Variants in KIAA1328 observed in about 807,000 individuals in gnomAD.
The protein encoded by KIAA1328 is protein hinderin.
KIAA1328 carries 52 observed loss-of-function variants against 68.1 expected under a neutral mutation model. The observed-to-expected ratio is 0.76, with a 90% CI of 0.61 to 0.96. The LOEUF (loss-of-function observed/expected upper bound fraction) is 0.96, where lower values mean the gene tolerates loss of function less well. Ranked by LOEUF, KIAA1328 falls within the 40% of genes least tolerant of loss-of-function variation. The pLI, the probability that KIAA1328 is intolerant of heterozygous loss-of-function variation, is 0.00. For synonymous variants in KIAA1328, 232 were observed against 239.4 expected (o/e 0.97, Z 0.28); for missense variants, 641 against 677.6 (o/e 0.95, Z 0.60).
chr18:36,942,499 G>T (rs541865888), intron 5 of KIAA1328, among the ~76,000 whole-genome samples: 12 of 152,256 alleles, frequency 7.9e-5, no homozygotes, highest in African/African-American at 2.9e-4. Flanking sequence ...ACTGACGAGT[G>T]CTTTTCTTAG....
chr18:37,222,506 G>T lies in KIAA1328; in HGVS notation c.*279G>T. 2 of 1,219,076 alleles carry T rather than the reference G, an allele frequency of 1.6e-6. No individual in the cohort carries two copies. The highest frequency in any genetic ancestry group is 2.1e-6 in the Non-Finnish European group (2 of 972,252). 75.5% of individuals were successfully genotyped at this position (1,219,076 alleles called of 1,614,324 possible). A position where few individuals can be genotyped will look rare whatever the true frequency, so the allele number is the denominator to read the frequency against. ...TAACATAGGATACTTTCTGCGTGGTGGAAACCATTGCATATTCAGCCTCAT... is the reference window on the plus strand; with the variant it reads ...TAACATAGGATACTTTCTGCGTGGTTGAAACCATTGCATATTCAGCCTCAT... On this transcript the variant is annotated 3_prime_UTR_variant, in exon 10 of 10. Coordinates refer to ENST00000280020, the MANE Select transcript of KIAA1328 (RefSeq NM_020776.3).
chr18:37,210,085 A>G (rs2060288161), intron 9 of KIAA1328, among the ~76,000 whole-genome samples: 1 of 152,126 alleles, frequency 6.6e-6, no homozygotes, highest in South Asian at 2.1e-4. Context: ...GGGAGGGGAA[A>G]GGTCCAGTAA....
At chr18:36,999,440 T>G (rs913517986) in intron 6 of KIAA1328, among the ~76,000 whole-genome samples, 1 of 152,062 alleles carries the variant, frequency 6.6e-6, no homozygotes, top group Non-Finnish European at 1.5e-5. Flanking sequence ...GCAGATACAA[T>G]GCAAAAAGGA....
intron 3 of KIAA1328, among the ~76,000 whole-genome samples, chr18:36,843,692 G>A (rs752004201): frequency 1.3e-5 from 2 of 152,112 alleles, no homozygotes; most frequent in African/African-American, 2.4e-5. Context: ...AAATGGAATA[G>A]TAAGTACAAA....
intron 9 of KIAA1328, among the ~76,000 whole-genome samples, chr18:37,195,026 A>G (rs1056855607): frequency 1.3e-5 from 2 of 152,196 alleles, no homozygotes; most frequent in African/African-American, 4.8e-5. Flanking sequence ...ATTTTGGTAC[A>G]TATATACAAT....
Position 37,118,824 on chromosome 18 carries a change from T to C in KIAA1328, c.1233-41376T>C, listed in dbSNP as rs553888076. On this transcript the variant is annotated intron_variant, in intron 7 of 9. Transcript: ENST00000280020. ...GCCATTTCCATTTCCATCCTTTCTT[T>C]CTTGGGCCTGTGAACCTTAACTACG... Among the ~76,000 whole-genome samples, 3 of 152,260 alleles carry C rather than the reference T, an allele frequency of 2.0e-5. No homozygotes were observed. The East Asian group carries it at 5.8e-4, about 29-fold the overall frequency.
At chr18:37,129,868 G>GA (rs1173413831) in intron 7 of KIAA1328, among the ~76,000 whole-genome samples, 3 of 152,174 alleles carry the variant, frequency 2.0e-5, no homozygotes, top group Non-Finnish European at 4.4e-5. Flanking sequence ...AAGAAGGGTG[G>GA]AAGGAAGTGT....
chr18:37,228,497 A>G (rs1411807329), downstream of KIAA1328, among the ~76,000 whole-genome samples: 1 of 152,110 alleles, frequency 6.6e-6, no homozygotes, highest in African/African-American at 2.4e-5. Flanking sequence ...CATCAACATC[A>G]AGGCAAGACC....
intron 9 of KIAA1328, among the ~76,000 whole-genome samples, chr18:37,186,192 G>C (rs1035251826): frequency 1.4e-5 from 2 of 147,058 alleles, no homozygotes; most frequent in African/African-American, 2.5e-5. Context: ...CACCTCCCAG[G>C]TACAAGGGAT....
intron 7 of KIAA1328, among the ~76,000 whole-genome samples, chr18:37,106,479 C>T (rs1021369181): frequency 2.0e-5 from 3 of 149,724 alleles, no homozygotes; most frequent in Non-Finnish European, 3.0e-5. Flanking sequence ...AGTGCAGTGG[C>T]GAGATCTTGG....
At chr18:37,015,507 T>C (rs562963464) in intron 6 of KIAA1328, among the ~76,000 whole-genome samples, 16 of 152,284 alleles carry the variant, frequency 1.1e-4, no homozygotes, top group African/African-American at 3.8e-4. Flanking sequence ...CATATGATTT[T>C]AGAGTAGTTT....
At chr18:37,053,373 T>C (rs929847953) in intron 6 of KIAA1328, among the ~76,000 whole-genome samples, 3 of 152,156 alleles carry the variant, frequency 2.0e-5, no homozygotes, top group African/African-American at 4.8e-5. Context: ...TACTTAAAAC[T>C]ATAAAAATTC....
chr18:37,152,096 T>TAAAA (rs376117913), intron 7 of KIAA1328, among the ~76,000 whole-genome samples: 7 of 84,670 alleles, frequency 8.3e-5, no homozygotes, highest in African/African-American at 2.9e-4. Flanking sequence ...TGGACCTATG[T>TAAAA]AAAAAAAAAA....
At chr18:37,185,803 TC>T (rs1008072722) in intron 9 of KIAA1328, among the ~76,000 whole-genome samples, 9 of 150,806 alleles carry the variant, frequency 6.0e-5, no homozygotes, top group African/African-American at 2.0e-4. Context: ...GGGTATGCCC[TC>T]CCCCCCAAAA....
intron 7 of KIAA1328, among the ~76,000 whole-genome samples, chr18:37,116,137 C>T (rs1271068598): frequency 1.3e-5 from 2 of 152,198 alleles, no homozygotes; most frequent in Non-Finnish European, 2.9e-5. Context: ...CAATAACTTT[C>T]TTCACAGAAT....
chr18:36,995,373 T>C (rs2053349454), intron 6 of KIAA1328, among the ~76,000 whole-genome samples: 1 of 152,178 alleles, frequency 6.6e-6, no homozygotes, highest in African/African-American at 2.4e-5. Flanking sequence ...GACATTTGGG[T>C]TGGCTCCAAG....
chr18:37,176,834 A>G (rs549727700), intron 9 of KIAA1328, among the ~76,000 whole-genome samples: 2 of 152,342 alleles, frequency 1.3e-5, no homozygotes, highest in East Asian at 3.9e-4. Context: ...TTCTCAAATG[A>G]ATGTGTTATG....
intron 7 of KIAA1328, among the ~76,000 whole-genome samples, chr18:37,136,559 A>G (rs2058650015): frequency 6.6e-6 from 1 of 152,280 alleles, no homozygotes; most frequent in East Asian, 1.9e-4. Context: ...TGTCCTCCAA[A>G]TTATACTTGT....
intron 6 of KIAA1328, among the ~76,000 whole-genome samples, chr18:36,983,787 C>A (rs977472607): frequency 3.3e-5 from 5 of 152,040 alleles, no homozygotes; most frequent in African/African-American, 1.2e-4. Context: ...GCCAGTAATA[C>A]CCTGATATGC....
Sources: allele counts gnomAD v4.1 joint callset (sites outside exome capture counted in the v4.1 genomes callset), GRCh38; gene constraint gnomAD v4.1.1; transcripts MANE v1.5; gene names NCBI Gene and HGNC (gene_info 2026-07-23, HGNC 2026-07-21).